The following PKM variants were observed in gnomAD, a reference collection of about 807,000 sequenced individuals.
PKM encodes pyruvate kinase M1/2, also known as pyruvate kinase PKM.
Under a neutral mutation model 49.8 loss-of-function variants are expected in PKM, and 18 were observed. The observed-to-expected ratio is 0.36, with a 90% confidence interval of 0.25 to 0.54. The LOEUF (loss-of-function observed/expected upper bound fraction) is 0.54, where lower values mean the gene tolerates loss of function less well. Among genes scored for constraint, PKM ranks in the 20% least tolerant of loss-of-function variants. PKM has a pLI of 0.89. For missense variants in PKM, 508 were observed against 713.8 expected, an observed-to-expected ratio of 0.71 and a Z score of 3.28; for synonymous variants, 239 against 261.8, an observed-to-expected ratio of 0.91 and a Z score of 0.84.
intron 1 of PKM, among the ~76,000 whole-genome samples, chr15:72,226,625 G>C (rs1025471282): frequency 2.0e-5 from 3 of 152,246 alleles, no homozygotes; most frequent in Non-Finnish European, 4.4e-5. Context: ...TCCCTTCAGA[G>C]AATCTTGACT....
In PKM at chr15:72,200,889, G is replaced by A. The variant is rs894552388; in HGVS notation, c.1308-234C>T. ...CCCATTCCACAGGCCAAGGGCTCAG[G>A]ATCACCTTGACCCAGCAAGATCAGC... On this transcript the variant is annotated intron_variant, in intron 9 of 10. Transcript: ENST00000335181. The surrounding 1 kb of genome is among the most constrained non-coding windows in gnomAD (Gnocchi z 4.6). 1.4e-5 allele frequency: 7 copies of A among 513,468 alleles called. No individual in the cohort carries two copies. The highest frequency in any genetic ancestry group is 1.3e-4 in the African/African-American group (7 of 52,346). The allele number at this position is 513,468 out of a possible 1,614,324, so 31.8% of individuals were successfully genotyped here.
chr15:72,212,135 TATG>T (rs1210249540), intron 3 of PKM, among the ~76,000 whole-genome samples: 1 of 152,160 alleles, frequency 6.6e-6, no homozygotes, highest in African/African-American at 2.4e-5. Flanking sequence ...CCTTATAAAT[TATG>T]ATATTTTCTT....
At chr15:72,204,987 C>G (rs368240537) in intron 8 of PKM, among the ~76,000 whole-genome samples, 54 of 152,320 alleles carry the variant, frequency 3.5e-4, no homozygotes, top group African/African-American at 1.3e-3. Flanking sequence ...AATTGTGAGA[C>G]TGCGCCAAGA....
intron 2 of PKM, among the ~76,000 whole-genome samples, chr15:72,218,662 A>C (rs2140744979): frequency 6.6e-6 from 1 of 150,758 alleles, no homozygotes; most frequent in East Asian, 2.0e-4. Context: ...TTCGAGGCTC[A>C]GGCAATCCTC....
intron 2 of PKM, among the ~76,000 whole-genome samples, chr15:72,218,113 T>C (rs1298563321): frequency 6.6e-6 from 1 of 152,026 alleles, no homozygotes; most frequent in Non-Finnish European, 1.5e-5. Context: ...CTTAGCGATG[T>C]TTTTTTCTTT....
rs2082104625 is a variant in PKM, at chr15:72,207,119, G to A, written c.987+8C>T. On this transcript the variant is annotated splice_region_variant and intron_variant, in intron 7 of 10. Transcript: ENST00000335181. ...CACATGAGAATGTGGGGAAGGGTGG[G>A]CACATGCCTGAGTAGCACAGATGAC... The A allele has an allele frequency of 6.2e-7, 1 of 1,613,164 alleles. No homozygotes were observed. The highest frequency in any genetic ancestry group is 1.1e-5 in the South Asian group (1 of 91,036).
Position 72,210,339 on chromosome 15 carries a change from A to G in PKM, c.378+8T>C. Reference sequence around the variant, plus strand: ...GAGCCTTCCCCTCGCTCTCCGCAGAATACTCACGCCCTTGATGAGCCCAGT... The same window carrying G: ...GAGCCTTCCCCTCGCTCTCCGCAGAGTACTCACGCCCTTGATGAGCCCAGT... On this transcript the variant is annotated splice_region_variant and intron_variant, in intron 4 of 10. Transcript: ENST00000335181. The G allele has an allele frequency of 6.2e-7, 1 of 1,613,792 alleles. No individual in the cohort carries two copies. Among genetic ancestry groups the G allele is most frequent in the Non-Finnish European group, 8.5e-7 (1 of 1,179,794 alleles).
Position 72,202,644 on chromosome 15 carries a change from AGGGACGAGAGG to A in PKM, c.1141-35_1141-25del. On this transcript the variant is annotated intron_variant, in intron 8 of 10. Transcript: ENST00000335181. The surrounding 1 kb of genome is among the most constrained non-coding windows in gnomAD (Gnocchi z 4.5). Reference sequence around the variant, plus strand: ...ATCTAGGGGAGCAACATCCGTCCAGAGGGACGAGAGGGGGACAGAGCTTTGTCAGAGCTTTG... The same window carrying A: ...ATCTAGGGGAGCAACATCCGTCCAGAGGGACAGAGCTTTGTCAGAGCTTTG... 1 of 1,599,036 alleles carries A rather than the reference AGGGACGAGAGG, an allele frequency of 6.3e-7. No individual in the cohort carries two copies. Among genetic ancestry groups the A allele is most frequent in the South Asian group, 1.1e-5 (1 of 89,904 alleles).
chr15:72,212,743 TCTATATTTAG>T (rs1304056992), intron 3 of PKM, among the ~76,000 whole-genome samples: 2 of 152,128 alleles, frequency 1.3e-5, no homozygotes, highest in African/African-American at 4.8e-5. Flanking sequence ...TGCGGAAGGC[TCTATATTTAG>T]CTATATTTAG....
chr15:72,219,160 T>C, intron 1 of PKM, 50 bp from the exon 2 acceptor site: 4 of 1,538,814 alleles, frequency 2.6e-6, no homozygotes, highest in Non-Finnish European at 2.7e-6. Flanking sequence ...AAGTGGTTAA[T>C]ATACCATTTA....
At chr15:72,210,107 A>G in intron 4 of PKM, 3 of 626,970 alleles carry the variant, frequency 4.8e-6, no homozygotes, top group Non-Finnish European at 8.3e-6. Context: ...CAAGTTAGAA[A>G]GCCTAAAGTT....
At chr15:72,211,637 C>G (rs546530597) in intron 3 of PKM, among the ~76,000 whole-genome samples, 1 of 151,722 alleles carries the variant, frequency 6.6e-6, no homozygotes, top group Non-Finnish European at 1.5e-5. Flanking sequence ...GGCAACATGG[C>G]GAAACCTCGT....
intron 3 of PKM, among the ~76,000 whole-genome samples, chr15:72,211,437 T>G (rs2082251793): frequency 6.6e-6 from 1 of 152,178 alleles, no homozygotes; most frequent in Admixed American, 6.5e-5. Flanking sequence ...GAACTGCCCT[T>G]TATTACTCCT....
At chr15:72,218,794 CA>C (rs1315176950) in intron 2 of PKM, 149 bp downstream of exon 2, 11 of 762,752 alleles carry the variant, frequency 1.4e-5, no homozygotes, top group Non-Finnish European at 2.3e-5. Context: ...TTCTTTACTG[CA>C]ACTTCCTATG....
intron 1 of PKM, among the ~76,000 whole-genome samples, chr15:72,226,476 G>A (rs2082672933): frequency 6.6e-6 from 1 of 152,196 alleles, no homozygotes; most frequent in African/African-American, 2.4e-5. Context: ...CTTGCAGTGA[G>A]CTGAGATTGC....
intron 1 of PKM, among the ~76,000 whole-genome samples, chr15:72,224,828 C>T (rs7179691): frequency 0.95 from 142,368 of 149,856 alleles, 68,072 homozygotes; most frequent in East Asian, 1. Flanking sequence ...CCCTCCAGCC[C>T]GGGCAACAGA....
In PKM at chr15:72,206,890, G is replaced by A. The variant is rs772769486; in HGVS notation, c.988-10C>T. On this transcript the variant is annotated splice_polypyrimidine_tract_variant and intron_variant, in intron 7 of 10. Coordinates refer to ENST00000335181, the MANE Select transcript of PKM (RefSeq NM_002654.6). ...TCATGCTCTCCAGCATCTGGGAGGG[G>A]ACAGAGCATTAGTGAGATGTAGCTT... The A allele has an allele frequency of 1.3e-5, 21 of 1,613,824 alleles. No individual in the cohort carries two copies. In the East Asian group the frequency reaches 4.5e-4, roughly 34 times the overall value.
intron 1 of PKM, among the ~76,000 whole-genome samples, chr15:72,230,150 G>A (rs2082811421): frequency 6.6e-6 from 1 of 152,184 alleles, no homozygotes; most frequent in South Asian, 2.1e-4. Context: ...GGCCGGTCGA[G>A]CTCTCGGGCC....
In PKM at chr15:72,202,565, C is replaced by T. The variant is rs200864323; in HGVS notation, c.1196G>A (p.Arg399His). 2.5e-5 allele frequency: 41 copies of T among 1,613,446 alleles called. No individual in the cohort carries two copies. The East Asian group carries it at 5.3e-4, about 21-fold the overall frequency. The change falls in exon 9 of 11, where the codon CGC becomes CAC. Residue 399 changes from arginine (R) to histidine (H), a missense_variant. By Grantham distance (29) the Arg-to-His change is conservative. Transcript: ENST00000335181. The surrounding 1 kb of genome is among the most constrained non-coding windows in gnomAD (Gnocchi z 4.5). ...GTCGCTGGTAATGGGCGCCAGGCGG[C>T]GGAGTTCCTCAAATAATTGCAAGTG... ...IYHLQLFEEL[R>H]RLAPITSDPT...
Sources: gnomAD v4.1 joint callset for allele counts (sites outside exome capture counted in the v4.1 genomes callset) on GRCh38, gnomAD v4.1.1 for gene constraint, Gnocchi (gnomAD v3.1) non-coding constraint, MANE v1.5 for transcripts, NCBI Gene and HGNC (gene_info 2026-07-23, HGNC 2026-07-21) for gene names.